GLYR1: variants seen among roughly 807,000 people sequenced by gnomAD.
GLYR1 encodes the protein glyoxylate reductase 1 homolog, also known as cytokine-like nuclear factor N-PAC.
A neutral mutation model predicts 72.7 loss-of-function variants in GLYR1; 21 were observed. The ratio of observed to expected loss-of-function variants is 0.29; its 90% CI spans 0.20 to 0.42. The LOEUF is 0.42. Ranked by LOEUF, GLYR1 falls within the 10% of genes least tolerant of loss-of-function variation. The pLI, the probability that GLYR1 is intolerant of heterozygous loss-of-function variation, is 1.00. For missense variants in GLYR1, 594 were observed against 712.1 expected (o/e 0.83, Z 1.89); for synonymous variants, 392 against 270.2 (o/e 1.45, Z -4.42).
At chr16:4,808,081 C>T (rs976864494) in intron 15 of GLYR1, among the ~76,000 whole-genome samples, 1 of 151,844 alleles carries the variant, frequency 6.6e-6, no homozygotes, top group African/African-American at 2.4e-5. Flanking sequence ...ACTACAAATA[C>T]AAAAATTAGC....
intron 11 of GLYR1, chr16:4,814,079 A>C (rs150757092): frequency 5.1e-6 from 2 of 389,438 alleles, no homozygotes; most frequent in African/African-American, 2.1e-5. Flanking sequence ...AAAAAAAAAA[A>C]CAAACCCCAT....
At chr16:4,811,390 G>C (rs1244487056) in intron 14 of GLYR1, 96 bp from the exon 15 acceptor site, 1 of 1,532,184 alleles carries the variant, frequency 6.5e-7, no homozygotes, top group African/African-American at 1.4e-5. Context: ...ACATACTCAG[G>C]GCTCAGTTCC....
At chr16:4,836,169 G>A (rs909806793) in intron 3 of GLYR1, among the ~76,000 whole-genome samples, 5 of 152,078 alleles carry the variant, frequency 3.3e-5, no homozygotes, top group African/African-American at 4.8e-5. Context: ...TCTAATTCAC[G>A]GAGGCACATC....
intron 3 of GLYR1, among the ~76,000 whole-genome samples, chr16:4,837,960 T>C (rs982394449): frequency 6.7e-6 from 1 of 150,364 alleles, no homozygotes; most frequent in East Asian, 1.9e-4. Flanking sequence ...AATAAATAAA[T>C]AAATAAATAA....
At chr16:4,810,194 G>A (rs930504859) in intron 15 of GLYR1, among the ~76,000 whole-genome samples, 7 of 152,034 alleles carry the variant, frequency 4.6e-5, no homozygotes, top group African/African-American at 1.4e-4. Context: ...CCACTTTAAA[G>A]GGTTTGAAAA....
chr16:4,831,526 T>C (rs1188572951), intron 5 of GLYR1, among the ~76,000 whole-genome samples: 1 of 152,210 alleles, frequency 6.6e-6, no homozygotes, highest in Admixed American at 6.5e-5. Context: ...CCTCCATCTT[T>C]GGAATGCCTA....
At chr16:4,830,542 T>G (rs1467688473) in intron 5 of GLYR1, among the ~76,000 whole-genome samples, 2 of 152,188 alleles carry the variant, frequency 1.3e-5, no homozygotes, top group African/African-American at 4.8e-5. Context: ...CAGCTACAGT[T>G]GCTTCCATTA....
intron 7 of GLYR1, 93 bp downstream of exon 7, chr16:4,822,782 C>A: frequency 9.4e-7 from 1 of 1,066,768 alleles, no homozygotes; most frequent in Non-Finnish European, 1.5e-6. Flanking sequence ...ACCGGCAGAG[C>A]CTAACTTTTC....
At chr16:4,847,171 G>C (rs2086209082) in intron 1 of GLYR1, 57 bp downstream of exon 1, 10 of 1,523,738 alleles carry the variant, frequency 6.6e-6, no homozygotes, top group Non-Finnish European at 9.0e-6. Context: ...AGCGAACCCC[G>C]CGCCCAGGCG....
In GLYR1 at chr16:4,813,826, G is replaced by A. The variant is rs1307814090; in HGVS notation, c.1030C>T (p.Pro344Ser). ...CGGATCCCTTGCAGCACACCACTGG[G>A]GCCCAGCACCAGCTGTGGGGACACA... ...PKAAKDLVLGPSGVLQGIRPG... is the reference protein window; with the variant it reads ...PKAAKDLVLGSSGVLQGIRPG... The change falls in exon 12 of 16, where the codon CCC becomes TCC. Residue 344 changes from proline to serine, a missense_variant. Physicochemically the swap from Pro to Ser is moderately conservative, Grantham distance 74. Around this residue, in one of 5 missense-constraint regions of GLYR1, gnomAD observed 266 missense variants for 358.4 expected, o/e 0.74. Transcript: ENST00000321919. The A allele has an allele frequency of 2.5e-6, 4 of 1,611,096 alleles. No individual in the cohort carries two copies. The African/African-American group carries it at 5.3e-5, about 22-fold the overall frequency.
chr16:4,825,810 G>A (rs1206439856), intron 5 of GLYR1, among the ~76,000 whole-genome samples: 5 of 151,530 alleles, frequency 3.3e-5, no homozygotes, highest in African/African-American at 7.3e-5. Flanking sequence ...CGGCCACCAT[G>A]CCCAGCTAAT....
At chr16:4,814,441 G>T in intron 11 of GLYR1, 96 bp downstream of exon 11, 1 of 893,388 alleles carries the variant, frequency 1.1e-6, no homozygotes, top group Non-Finnish European at 1.9e-6. Flanking sequence ...CCCCACATGT[G>T]GACACTCACT....
chr16:4,843,634 CAT>C (rs1306173333), intron 3 of GLYR1: 1 of 1,289,008 alleles, frequency 7.8e-7, no homozygotes, highest in East Asian at 5.5e-5. Flanking sequence ...GAGCATCTGA[CAT>C]ATAAACTCCT....
intron 12 of GLYR1, among the ~76,000 whole-genome samples, chr16:4,813,243 G>A (rs1239724398): frequency 2.0e-5 from 3 of 152,324 alleles, no homozygotes; most frequent in East Asian, 1.9e-4. Flanking sequence ...GATTACAGGC[G>A]TGAGCCACCG....
intron 5 of GLYR1, among the ~76,000 whole-genome samples, chr16:4,824,985 T>A (rs1039187319): frequency 6.6e-6 from 1 of 152,182 alleles, no homozygotes; most frequent in African/African-American, 2.4e-5. Flanking sequence ...CCACTGACAA[T>A]GAATGGGGCT....
chr16:4,814,548 C>T lies in GLYR1; in HGVS notation c.1006G>A (p.Ala336Thr). Residue 336 changes from alanine (A) to threonine (T), a missense_variant, in exon 11 of 16, where the codon GCG (alanine) becomes ACG (threonine). Physicochemically the swap from Ala to Thr is moderately conservative, Grantham distance 58. Coordinates refer to ENST00000321919, the MANE Select transcript of GLYR1 (RefSeq NM_032569.4). ...ITFACVSDPK[A>T]AKDLVLGPSG... is the part of the protein sequence containing the mutation. ...GAGGGGGTCCTTACGTCCTTGGCCGCCTTGGGATCCGACACGCAGGCGAAA... is the reference window on the plus strand; with the variant it reads ...GAGGGGGTCCTTACGTCCTTGGCCGTCTTGGGATCCGACACGCAGGCGAAA... The T allele has an allele frequency of 1.2e-6, 2 of 1,613,538 alleles. No individual in the cohort carries two copies. The highest frequency in any genetic ancestry group is 1.7e-6 in the Non-Finnish European group (2 of 1,179,980).
chr16:4,846,634 C>T, intron 1 of GLYR1: 1 of 258,772 alleles, frequency 3.9e-6, no homozygotes, highest in South Asian at 4.3e-5. Flanking sequence ...GCGACAAAGT[C>T]TTGGTTCGGG....
chr16:4,813,117 C>T (rs12019061), intron 12 of GLYR1, among the ~76,000 whole-genome samples: 11,660 of 152,124 alleles, frequency 0.077, 518 homozygotes, highest in African/African-American at 0.13. Context: ...TGCCCGCCAC[C>T]GCGTCCGGCT....
chr16:4,811,899 G>T, intron 13 of GLYR1, 97 bp from the exon 14 acceptor site: 1 of 1,461,852 alleles, frequency 6.8e-7, no homozygotes, highest in South Asian at 1.3e-5. Flanking sequence ...CTCTCTCCAG[G>T]GGAGGCCCCC....
Sources: allele counts gnomAD v4.1 joint callset (sites outside exome capture counted in the v4.1 genomes callset), GRCh38; gene constraint gnomAD v4.1.1; regional missense constraint gnomAD v4.1.1; transcripts MANE v1.5; gene names NCBI Gene and HGNC (gene_info 2026-07-23, HGNC 2026-07-21).